The following GUCY2C variants were observed in gnomAD, a reference collection of about 807,000 sequenced individuals.
The protein encoded by GUCY2C is guanylyl cyclase C.
GUCY2C carries 118 observed loss-of-function variants against 131.1 expected under a neutral mutation model. The ratio of observed to expected loss-of-function variants is 0.90; its 90% CI spans 0.78 to 1.05. GUCY2C has a LOEUF of 1.05. Among genes scored for constraint, GUCY2C ranks in the 50% least tolerant of loss-of-function variants. The probability of loss-of-function intolerance (pLI) is 0.00; values close to 1 mark genes in which losing one functional copy is unlikely to be tolerated. For synonymous variants in GUCY2C, 452 were observed against 457.8 expected, an observed-to-expected ratio of 0.99 and a Z score of 0.16; for missense variants, 1,161 against 1,304.4, an observed-to-expected ratio of 0.89 and a Z score of 1.69.
At chr12:14,634,606 C>A (rs1947221042) in intron 19 of GUCY2C, among the ~76,000 whole-genome samples, 1 of 152,112 alleles carries the variant, frequency 6.6e-6, no homozygotes, top group African/African-American at 2.4e-5. Context: ...GGAATAAGCC[C>A]TTACATAATA....
chr12:14,641,144 A>G lies in GUCY2C; in HGVS notation c.2006T>C (p.Ile669Thr). The G allele has an allele frequency of 6.2e-7, 1 of 1,613,764 alleles. No homozygotes were observed. Among genetic ancestry groups the G allele is most frequent in the South Asian group, 1.1e-5 (1 of 91,058 alleles). Reference sequence around the variant, plus strand: ...TTTCCGCAGGATGATCTCCTGTGCGATGATCCCATAGCTGTACACATCTCC... The same window carrying G: ...TTTCCGCAGGATGATCTCCTGTGCGGTGATCCCATAGCTGTACACATCTCC... The part of the protein sequence containing the change: ...QKGDVYSYGI[I>T]AQEIILRKET... The change falls in exon 18 of 27, where the codon ATC becomes ACC. Residue 669 changes from isoleucine (I) to threonine (T), a missense_variant. By Grantham distance (89) the Ile-to-Thr change is moderately conservative (BLOSUM62 -1). Coordinates refer to ENST00000261170, the MANE Select transcript of GUCY2C (RefSeq NM_004963.4).
chr12:14,645,373 G>C, intron 15 of GUCY2C, 58 bp from the exon 16 acceptor site: 1 of 805,278 alleles, frequency 1.2e-6, no homozygotes, highest in Admixed American at 2.0e-5. Context: ...ATTGTGGAGA[G>C]ACTATTATGA....
At chr12:14,657,994 T>C (rs1947795515) in intron 11 of GUCY2C, among the ~76,000 whole-genome samples, 1 of 152,228 alleles carries the variant, frequency 6.6e-6, no homozygotes, top group South Asian at 2.1e-4. Flanking sequence ...TTTTTAACCT[T>C]TATGATGAAG....
chr12:14,672,866 G>C lies in GUCY2C; in HGVS notation c.1170+7C>G, dbSNP rs775846475. On this transcript the variant is annotated splice_region_variant and intron_variant, in intron 9 of 26. Transcript: ENST00000261170. ...CCCTGAATTTTCTGATAAGCAGTGA[G>C]ACATACTTTCTTGGTGTCCACAGAG... 114 of 1,537,926 alleles carry C rather than the reference G, an allele frequency of 7.4e-5. No individual in the cohort carries two copies. The highest frequency in any genetic ancestry group is 1.8e-6 in the Non-Finnish European group (2 of 1,110,970).
At chr12:14,672,536 A>T (rs1341313227) in intron 9 of GUCY2C, among the ~76,000 whole-genome samples, 1 of 152,144 alleles carries the variant, frequency 6.6e-6, no homozygotes, top group Non-Finnish European at 1.5e-5. Context: ...AAGACTTGTG[A>T]TCCTCTCATT....
intron 10 of GUCY2C, among the ~76,000 whole-genome samples, chr12:14,664,853 C>CATTCATTCATTCATTCATTCATTT (rs1947939405): frequency 6.6e-6 from 1 of 151,064 alleles, no homozygotes; most frequent in Admixed American, 6.6e-5. Context: ...TGTTGTCATT[C>CATTCATTCATTCATTCATTCATTT]ATTCATTCAT....
intron 20 of GUCY2C, 80 bp from the exon 21 acceptor site, chr12:14,625,995 A>G (rs1947006301): frequency 1.2e-6 from 1 of 810,026 alleles, no homozygotes; most frequent in Admixed American, 2.6e-5. Context: ...GACAAATATG[A>G]TGAACAGATA....
chr12:14,669,783 C>T lies in GUCY2C; in HGVS notation c.1221G>A (p.Val407=), dbSNP rs1948066451. 6.2e-7 allele frequency: 1 copy of T among 1,606,484 alleles called. No homozygotes were observed. The change falls in exon 10 of 27, where the codon GTG becomes GTA. Residue 407 remains valine, a synonymous_variant. Transcript: ENST00000261170. ...TCCAAGTGAATGTGGGGCTCATATC[C>T]ACAGGATAGGTCTTATTTACGTGGG... The part of the protein sequence containing the change: ...YDTHVNKTYP[V]DMSPTFTWKN...
intron 22 of GUCY2C, 151 bp from the exon 23 acceptor site, chr12:14,621,367 A>T: frequency 3.2e-6 from 2 of 629,054 alleles, no homozygotes; most frequent in Non-Finnish European, 5.5e-6. Flanking sequence ...CAGTTGGATC[A>T]GTTCTATGCT....
intron 7 of GUCY2C, among the ~76,000 whole-genome samples, chr12:14,675,207 C>CAAAAAAAAAAAAAAAAAAAAAAAAAA (rs35870014): frequency 5.7e-5 from 2 of 34,788 alleles, no homozygotes; most frequent in Non-Finnish European, 5.2e-5. Context: ...AACTCCATCT[C>CAAAAAAAAAAAAAAAAAAAAAAAAAA]AAAAAAAAAA....
At chr12:14,614,845 C>T (rs746337343) in intron 26 of GUCY2C, 22 bp downstream of exon 26, 1 of 1,492,510 alleles carries the variant, frequency 6.7e-7, no homozygotes, top group Non-Finnish European at 9.1e-7. Flanking sequence ...CCTCCCTGTC[C>T]CTGCCACACC....
chr12:14,628,936 C>T (rs1947083150), intron 19 of GUCY2C, among the ~76,000 whole-genome samples, 199 bp from the exon 20 acceptor site: 1 of 152,110 alleles, frequency 6.6e-6, no homozygotes, highest in Non-Finnish European at 1.5e-5. Context: ...CAGTTATTCC[C>T]TTGGGTGAAA....
At chr12:14,668,545 C>T (rs1011993726) in intron 10 of GUCY2C, among the ~76,000 whole-genome samples, 9 of 152,042 alleles carry the variant, frequency 5.9e-5, no homozygotes, top group African/African-American at 2.2e-4. Context: ...CTCAAGCAAT[C>T]CTCCCACCTC....
At chr12:14,619,374 G>A (rs1020535692) in intron 23 of GUCY2C, 65 bp from the exon 24 acceptor site, 2 of 975,702 alleles carry the variant, frequency 2.0e-6, no homozygotes, top group African/African-American at 1.6e-5. Context: ...GTGAAGACAG[G>A]TAAGCCTCTC....
chr12:14,690,237 A>T lies in GUCY2C; in HGVS notation c.218-2174T>A, dbSNP rs115322411. 3.5e-3 allele frequency among the ~76,000 whole-genome samples: 539 copies of T among 152,344 alleles called. 10 individuals are homozygous for T. Among genetic ancestry groups the T allele is most frequent in the African/African-American group, 0.012 (487 of 41,588 alleles). On this transcript the variant is annotated intron_variant, in intron 1 of 26. Transcript: ENST00000261170. Reference sequence around the variant, plus strand: ...TTCTCTTCAAAATATCTGTTTGGTCACAAGGATGGCTGGCCTTACTGACCA... The same window carrying T: ...TTCTCTTCAAAATATCTGTTTGGTCTCAAGGATGGCTGGCCTTACTGACCA...
intron 18 of GUCY2C, 140 bp from the exon 19 acceptor site, chr12:14,640,090 C>T (rs1475797859): frequency 3.1e-6 from 2 of 635,990 alleles, no homozygotes; most frequent in Admixed American, 5.2e-5. Context: ...TAGACCAGCA[C>T]TCAGTAGACA....
At chr12:14,653,083 T>C in intron 12 of GUCY2C, 69 bp from the exon 13 acceptor site, 6 of 1,120,086 alleles carry the variant, frequency 5.4e-6, no homozygotes, top group Non-Finnish European at 8.2e-6. Flanking sequence ...TGTCAAAGGC[T>C]GAGAGGCTCT....
rs535707923 is a variant in GUCY2C at position 14,654,013 on chromosome 12, TC to T, written c.1471-1000del. Among the ~76,000 whole-genome samples, 269 of 152,346 alleles carry T rather than the reference TC, an allele frequency of 1.8e-3. 1 individual carries two copies. The highest frequency in any genetic ancestry group is 6.1e-3 in the African/African-American group (254 of 41,572). On this transcript the variant is annotated intron_variant, in intron 12 of 26. Coordinates refer to ENST00000261170, the MANE Select transcript of GUCY2C (RefSeq NM_004963.4). ...TCATTTAAACTATTTGGACCTCAGT[TC>T]CTTACTGCACAATTCCAACTCATAG...
chr12:14,640,068 T>G, intron 18 of GUCY2C, 118 bp from the exon 19 acceptor site: 1 of 704,884 alleles, frequency 1.4e-6, no homozygotes, highest in Non-Finnish European at 2.5e-6. Flanking sequence ...TCAGTGAGAG[T>G]GCTGCAGAGC....
Sources: allele counts gnomAD v4.1 joint callset (sites outside exome capture counted in the v4.1 genomes callset), GRCh38; gene constraint gnomAD v4.1.1; transcripts MANE v1.5; gene names NCBI Gene and HGNC (gene_info 2026-07-23, HGNC 2026-07-21).